Variants in OPCML observed in about 807,000 individuals in gnomAD.
OPCML encodes opioid-binding protein/cell adhesion molecule.
A neutral mutation model predicts 37.8 loss-of-function variants in OPCML; 13 were observed. The observed-to-expected ratio is 0.34, with a 90% confidence interval of 0.22 to 0.55. The LOEUF is 0.55. Ranked by LOEUF, OPCML falls within the 20% of genes least tolerant of loss-of-function variation. The pLI, the probability that OPCML is intolerant of heterozygous loss-of-function variation, is 0.91. For synonymous variants in OPCML, 176 were observed against 168.8 expected (o/e 1.04, Z -0.33); for missense variants, 341 against 435.6 (o/e 0.78, Z 1.93).
intron 2 of OPCML, among the ~76,000 whole-genome samples, chr11:132,673,377 A>G (rs1383144665): frequency 6.6e-6 from 1 of 152,188 alleles, no homozygotes; most frequent in Non-Finnish European, 1.5e-5. Flanking sequence ...CCATTGGGGC[A>G]TCAGACATGA....
At chr11:132,862,426 A>G (rs1194757872) in intron 2 of OPCML, among the ~76,000 whole-genome samples, 2 of 150,456 alleles carry the variant, frequency 1.3e-5, no homozygotes, top group Non-Finnish European at 3.0e-5. Context: ...AGATTCACAC[A>G]GGTTAGAGCT....
chr11:132,479,356 C>T (rs1317874800), intron 4 of OPCML, among the ~76,000 whole-genome samples: 2 of 152,228 alleles, frequency 1.3e-5, no homozygotes, highest in South Asian at 2.1e-4. Flanking sequence ...ATATCCCACA[C>T]GTGGCTCGGA....
At chr11:132,747,194 G>A (rs1424427360) in intron 2 of OPCML, among the ~76,000 whole-genome samples, 2 of 152,296 alleles carry the variant, frequency 1.3e-5, no homozygotes, top group South Asian at 4.1e-4. Flanking sequence ...CAACCAAAGA[G>A]ATAACTAGGA....
chr11:133,205,633 G>T lies in OPCML; in HGVS notation c.62-262623C>A, dbSNP rs1939031580. On this transcript the variant is annotated intron_variant, in intron 1 of 7. Transcript: ENST00000524381. The surrounding 1 kb of genome is among the most constrained non-coding windows in gnomAD (Gnocchi z 4.8). ...ACGATCATTGCTCAGTTGGTGTGTG[G>T]GGAAAAATTTCTCACTCATCTGATG... Among the ~76,000 whole-genome samples, 1 of 152,164 alleles carries T rather than the reference G, an allele frequency of 6.6e-6. No homozygotes were observed. The highest frequency in any genetic ancestry group is 1.5e-5 in the Non-Finnish European group (1 of 68,018).
At chr11:133,060,102 C>T (rs1948312654) in intron 1 of OPCML, among the ~76,000 whole-genome samples, 2 of 152,030 alleles carry the variant, frequency 1.3e-5, no homozygotes, top group South Asian at 4.2e-4. Context: ...TGCTACTAAA[C>T]TTCAAAAAAT....
chr11:133,254,306 G>A (rs1324730698), intron 1 of OPCML, among the ~76,000 whole-genome samples: 2 of 152,128 alleles, frequency 1.3e-5, no homozygotes, highest in African/African-American at 2.4e-5. Flanking sequence ...AGAGAGAGCA[G>A]GGCATGAGTT....
intron 2 of OPCML, among the ~76,000 whole-genome samples, chr11:132,882,505 C>T (rs151247950): frequency 6.6e-6 from 1 of 152,316 alleles, no homozygotes; most frequent in East Asian, 1.9e-4. Context: ...TCTGGAGTCA[C>T]TGGAATCACT....
At chr11:132,426,447 C>CA (rs2095977876) in intron 7 of OPCML, among the ~76,000 whole-genome samples, 2 of 151,220 alleles carry the variant, frequency 1.3e-5, no homozygotes, top group Non-Finnish European at 3.0e-5. Context: ...TTTGCCATTA[C>CA]TTTTTTTTTA....
intron 2 of OPCML, among the ~76,000 whole-genome samples, 193 bp downstream of exon 2, chr11:132,942,733 A>G (rs1324711785): frequency 6.6e-6 from 1 of 152,218 alleles, no homozygotes; most frequent in African/African-American, 2.4e-5. Flanking sequence ...CTGGACCAGC[A>G]TAGCCGGAGC....
intron 1 of OPCML, among the ~76,000 whole-genome samples, chr11:132,984,617 G>C (rs2136799864): frequency 6.6e-6 from 1 of 152,296 alleles, no homozygotes; most frequent in South Asian, 2.1e-4. Context: ...CCAGAACCTT[G>C]TCCAGTATTT....
At chr11:132,561,574 C>T (rs1180304262) in intron 3 of OPCML, among the ~76,000 whole-genome samples, 1 of 152,174 alleles carries the variant, frequency 6.6e-6, no homozygotes, top group African/African-American at 2.4e-5. Flanking sequence ...TATTGTTGGC[C>T]AGTAGCTGAG....
intron 3 of OPCML, among the ~76,000 whole-genome samples, chr11:132,646,417 ATTGTC>A (rs1438948333): frequency 7.9e-5 from 12 of 152,218 alleles, no homozygotes; most frequent in Non-Finnish European, 1.6e-4. Context: ...ACTTGACTTC[ATTGTC>A]AACAGGGATC....
rs1249664150 is a variant in OPCML at position 133,471,637 on chromosome 11, T to TA, written c.61+60626dup. On this transcript the variant is annotated intron_variant, in intron 1 of 7. Transcript: ENST00000524381. ...CATGATTTCTTAAAAAAAACAAGAG[T>TA]AAAAAACCGGAGTGGAAGAAGCAAT... 4.6e-5 allele frequency among the ~76,000 whole-genome samples: 7 copies of TA among 151,346 alleles called. No individual in the cohort carries two copies. In the East Asian group the frequency reaches 1.4e-3, roughly 29 times the overall value.
At chr11:132,762,459 T>G (rs1440416082) in intron 2 of OPCML, among the ~76,000 whole-genome samples, 1 of 152,212 alleles carries the variant, frequency 6.6e-6, no homozygotes, top group Non-Finnish European at 1.5e-5. Flanking sequence ...GGGAGTTTTA[T>G]CTGTAAGACC....
At chr11:133,446,985 T>C (rs1240332373) in intron 1 of OPCML, among the ~76,000 whole-genome samples, 3 of 152,250 alleles carry the variant, frequency 2.0e-5, no homozygotes, top group Non-Finnish European at 4.4e-5. Context: ...GTAATTTTGC[T>C]ATGAACTTTT....
At chr11:132,618,754 G>A (rs1939190958) in intron 3 of OPCML, among the ~76,000 whole-genome samples, 3 of 152,030 alleles carry the variant, frequency 2.0e-5, no homozygotes, top group African/African-American at 7.2e-5. Context: ...AAAATATTGT[G>A]CAAGCATCAC....
At position 133,419,710 on chromosome 11, in the gene OPCML, T is replaced by C. The variant is rs538078257; in HGVS notation, c.61+112554A>G. ...GCTGCAAATCAAGGCTTGACTGTTTTTTTTATTGTCTAGGCTTAAGAAAGA... is the reference window on the plus strand; with the variant it reads ...GCTGCAAATCAAGGCTTGACTGTTTCTTTTATTGTCTAGGCTTAAGAAAGA... On this transcript the variant is annotated intron_variant, in intron 1 of 7. Transcript: ENST00000524381. Among the ~76,000 whole-genome samples the C allele has an allele frequency of 2.0e-5, 3 of 152,344 alleles. No homozygotes were observed. In the East Asian group the frequency reaches 5.8e-4, roughly 29 times the overall value.
chr11:133,207,892 A>G lies in OPCML; in HGVS notation c.62-264882T>C, dbSNP rs1175743633. Reference sequence around the variant, plus strand: ...TCACACTCTACTGTGGACTTTTTGGACCCTGTAACACGCTCTGTTTTACTT... The same window carrying G: ...TCACACTCTACTGTGGACTTTTTGGGCCCTGTAACACGCTCTGTTTTACTT... On this transcript the variant is annotated intron_variant, in intron 1 of 7. Transcript: ENST00000524381. 4.0e-5 allele frequency among the ~76,000 whole-genome samples: 6 copies of G among 148,920 alleles called. No homozygotes were observed. In the East Asian group the frequency reaches 5.8e-4, roughly 14 times the overall value.
At chr11:132,928,827 A>C (rs534143388) in intron 2 of OPCML, among the ~76,000 whole-genome samples, 4 of 152,178 alleles carry the variant, frequency 2.6e-5, no homozygotes, top group African/African-American at 7.2e-5. Flanking sequence ...AAAACTGGAA[A>C]ATCTACAAAT....
Sources: gnomAD v4.1 joint callset for allele counts (sites outside exome capture counted in the v4.1 genomes callset) on GRCh38, gnomAD v4.1.1 for gene constraint, Gnocchi (gnomAD v3.1) non-coding constraint, MANE v1.5 for transcripts, NCBI Gene and HGNC (gene_info 2026-07-23, HGNC 2026-07-21) for gene names.